The following KCNK2 variants were observed in gnomAD, a reference collection of about 807,000 sequenced individuals.
KCNK2 encodes potassium channel subfamily K member 2.
Under a neutral mutation model 40.5 loss-of-function variants are expected in KCNK2, and 21 were observed. The ratio of observed to expected loss-of-function variants is 0.52; its 90% confidence interval spans 0.37 to 0.75. The LOEUF (loss-of-function observed/expected upper bound fraction) is 0.75, where lower values mean the gene tolerates loss of function less well. Among genes scored for constraint, KCNK2 ranks in the 30% least tolerant of loss-of-function variants. The pLI, the probability that KCNK2 is intolerant of heterozygous loss-of-function variation, is 0.00. For missense variants in KCNK2, 399 were observed against 531.6 expected, an observed-to-expected ratio of 0.75 and a Z score of 2.45; for synonymous variants, 191 against 202.2, an observed-to-expected ratio of 0.94 and a Z score of 0.47.
At chr1:215,174,485 T>C (rs1663864186) in intron 5 of KCNK2, among the ~76,000 whole-genome samples, 1 of 152,202 alleles carries the variant, frequency 6.6e-6, no homozygotes, top group Non-Finnish European at 1.5e-5. Context: ...AACTTTAAAG[T>C]AGTTTTTTCC....
intron 3 of KCNK2, among the ~76,000 whole-genome samples, chr1:215,168,789 A>G (rs1269636332): frequency 6.6e-6 from 1 of 152,158 alleles, no homozygotes; most frequent in Admixed American, 6.6e-5. Context: ...TGAGAGGTGC[A>G]GCAAACCATC....
chr1:215,142,487 G>C (rs1460887732), intron 3 of KCNK2, among the ~76,000 whole-genome samples: 1 of 152,110 alleles, frequency 6.6e-6, no homozygotes, highest in Non-Finnish European at 1.5e-5. Context: ...GGGGAAAACT[G>C]AACAGCAAAA....
chr1:215,168,108 A>C (rs1021637199), intron 3 of KCNK2, among the ~76,000 whole-genome samples: 8 of 152,246 alleles, frequency 5.3e-5, no homozygotes, highest in Non-Finnish European at 2.9e-5. Context: ...AAACATATGA[A>C]AAACAGCTCA....
At chr1:215,093,361 AT>A (rs1659776725) in intron 2 of KCNK2, among the ~76,000 whole-genome samples, 1 of 140,764 alleles carries the variant, frequency 7.1e-6, no homozygotes, top group South Asian at 2.1e-4. Context: ...TAAAATATAC[AT>A]ATATTATATA....
At chr1:215,056,019 A>G (rs1658145377) in intron 1 of KCNK2, among the ~76,000 whole-genome samples, 1 of 152,128 alleles carries the variant, frequency 6.6e-6, no homozygotes, top group South Asian at 2.1e-4. Flanking sequence ...TTTTAAAAAT[A>G]TGTCAGCTGG....
At chr1:215,171,773 A>C (rs1488543353) in intron 4 of KCNK2, among the ~76,000 whole-genome samples, 3 of 152,162 alleles carry the variant, frequency 2.0e-5, no homozygotes, top group Non-Finnish European at 4.4e-5. Flanking sequence ...TGATTGATTT[A>C]TTGATGATAC....
At chr1:215,161,649 C>G (rs1040075323) in intron 3 of KCNK2, among the ~76,000 whole-genome samples, 1 of 151,092 alleles carries the variant, frequency 6.6e-6, no homozygotes, top group Non-Finnish European at 1.5e-5. Flanking sequence ...CACTGTTCAA[C>G]TCCCACTTAT....
intron 2 of KCNK2, among the ~76,000 whole-genome samples, chr1:215,099,765 T>C (rs1368032984): frequency 6.6e-6 from 1 of 152,002 alleles, no homozygotes; most frequent in Non-Finnish European, 1.5e-5. Flanking sequence ...CAACATGGTT[T>C]CTTGGCTATT....
At chr1:215,100,637 A>T (rs904490967) in intron 2 of KCNK2, among the ~76,000 whole-genome samples, 3 of 151,976 alleles carry the variant, frequency 2.0e-5, no homozygotes, top group African/African-American at 7.2e-5. Flanking sequence ...TGCGGTTCTG[A>T]TGTTCCTATT....
At position 215,209,262 on chromosome 1, in the gene KCNK2, TAA is replaced by T. The variant is rs528553672; in HGVS notation, c.963+14173_963+14174del. 3.4e-3 allele frequency among the ~76,000 whole-genome samples: 408 copies of T among 119,044 alleles called. 4 individuals are homozygous for T. Among genetic ancestry groups the T allele is most frequent in the African/African-American group, 0.013 (382 of 29,428 alleles). The allele number at this position is 119,044 out of a possible 152,430, so 78.1% of individuals were successfully genotyped here. On this transcript the variant is annotated intron_variant, in intron 6 of 6. Transcript: ENST00000444842. ...TATAAATATACACATATCTTATATA[TAA>T]AATATATAAATATACACATATTTTA...
At chr1:215,215,219 T>C (rs905767703) in intron 6 of KCNK2, among the ~76,000 whole-genome samples, 1 of 151,878 alleles carries the variant, frequency 6.6e-6, no homozygotes, top group Non-Finnish European at 1.5e-5. Flanking sequence ...TTTCAGTTAA[T>C]ACCAAATAAA....
intron 1 of KCNK2, among the ~76,000 whole-genome samples, chr1:215,055,818 C>A (rs1024642207): frequency 1.3e-5 from 2 of 152,142 alleles, no homozygotes; most frequent in Admixed American, 6.5e-5. Context: ...AACCAATGAA[C>A]GTGGAAATTT....
chr1:215,035,941 A>G (rs369465509), intron 1 of KCNK2, among the ~76,000 whole-genome samples: 1 of 151,048 alleles, frequency 6.6e-6, no homozygotes, highest in Non-Finnish European at 1.5e-5. Flanking sequence ...TTTTTTTTAA[A>G]TATATTCTGA....
chr1:215,114,613 CACTA>C (rs1272635239), intron 2 of KCNK2, among the ~76,000 whole-genome samples: 1 of 152,122 alleles, frequency 6.6e-6, no homozygotes, highest in African/African-American at 2.4e-5. Flanking sequence ...CAGTATGAAT[CACTA>C]TGTTTTGGGA....
At chr1:215,182,708 C>T (rs980821796) in intron 5 of KCNK2, among the ~76,000 whole-genome samples, 1 of 152,176 alleles carries the variant, frequency 6.6e-6, no homozygotes, top group Non-Finnish European at 1.5e-5. Flanking sequence ...GTCTCTGGCC[C>T]ACGACTAAAA....
intron 1 of KCNK2, among the ~76,000 whole-genome samples, chr1:215,072,872 TC>T (rs887008882): frequency 6.6e-6 from 1 of 152,030 alleles, no homozygotes; most frequent in African/African-American, 2.4e-5. Flanking sequence ...CTGAGTTTTG[TC>T]CCCCCACTAC....
At chr1:215,141,864 A>G (rs1662188515) in intron 3 of KCNK2, among the ~76,000 whole-genome samples, 1 of 152,076 alleles carries the variant, frequency 6.6e-6, no homozygotes, top group South Asian at 2.1e-4. Flanking sequence ...GTTTTTAGAG[A>G]AAGTTTTCTA....
chr1:215,007,119 ATGTATATATATG>A lies in KCNK2; in HGVS notation c.34+1188_34+1199del, dbSNP rs1160576262. 2.9e-3 allele frequency among the ~76,000 whole-genome samples: 349 copies of A among 119,972 alleles called. 16 individuals are homozygous for A. Among genetic ancestry groups the A allele is most frequent in the African/African-American group, 0.011 (279 of 25,094 alleles). 78.7% of individuals were successfully genotyped at this position (119,972 alleles called of 152,430 possible). ...TATATGTATATATATGTGTGTATAT[ATGTATATATATG>A]TGTATATATATGTGTATATATATAT... On this transcript the variant is annotated intron_variant, in intron 1 of 6. Transcript: ENST00000391895.
chr1:215,229,907 A>G (rs952531706), intron 6 of KCNK2, among the ~76,000 whole-genome samples: 2 of 151,712 alleles, frequency 1.3e-5, no homozygotes, highest in Non-Finnish European at 2.9e-5. Flanking sequence ...AGAAGTAATA[A>G]ATAATTAAAG....
Sources: allele counts gnomAD v4.1 joint callset (sites outside exome capture counted in the v4.1 genomes callset), GRCh38; gene constraint gnomAD v4.1.1; transcripts MANE v1.5; gene names NCBI Gene and HGNC (gene_info 2026-07-23, HGNC 2026-07-21).